Variants in KIFAP3 observed in about 807,000 individuals in gnomAD.
KIFAP3 encodes the protein kinesin associated protein 3, also known as kinesin-associated protein 3.
In KIFAP3, 68 loss-of-function variants were observed where a neutral mutation model predicts 106.5. The observed-to-expected ratio is 0.64, with a 90% CI of 0.53 to 0.78. KIFAP3 has a LOEUF of 0.78. KIFAP3 is among the 30% of genes least tolerant of loss of function. The pLI is 0.00. For missense variants in KIFAP3, 780 were observed against 941.8 expected, an observed-to-expected ratio of 0.83 and a Z score of 2.25; for synonymous variants, 320 against 311.5, an observed-to-expected ratio of 1.03 and a Z score of -0.29.
chr1:169,993,331 C>A (rs1358790865), intron 10 of KIFAP3, among the ~76,000 whole-genome samples: 2 of 150,986 alleles, frequency 1.3e-5, no homozygotes, highest in East Asian at 4.0e-4. Flanking sequence ...AGGCTGGTCT[C>A]GAACTCTTGA....
intron 3 of KIFAP3, among the ~76,000 whole-genome samples, chr1:170,045,594 G>T (rs546753695): frequency 6.6e-6 from 1 of 152,012 alleles, no homozygotes; most frequent in Non-Finnish European, 1.5e-5. Flanking sequence ...TAAAAATTTT[G>T]TTTCAAAAGA....
Position 169,982,117 on chromosome 1 carries a change from G to C in KIFAP3, c.1673-20C>G, listed in dbSNP as rs746263911. On this transcript the variant is annotated intron_variant, in intron 14 of 19. Coordinates refer to ENST00000361580, the MANE Select transcript of KIFAP3 (RefSeq NM_014970.4). ...CAGCACCTAGTGAAGTCAAACCATA[G>C]AAAGTTTTCACTGAAATGTCCTGAT... is the stretch of plus-strand genomic sequence containing the variant. 1.9e-6 allele frequency: 3 copies of C among 1,609,026 alleles called. No individual in the cohort carries two copies. The highest frequency in any genetic ancestry group is 2.5e-6 in the Non-Finnish European group (3 of 1,178,024).
intron 12 of KIFAP3, 70 bp downstream of exon 12, chr1:169,984,512 T>C (rs2273459): frequency 0.014 from 9,069 of 638,754 alleles, 264 homozygotes; most frequent in South Asian, 0.076. Context: ...TCTTAATTCC[T>C]TATATCTATT....
chr1:169,952,645 A>G (rs1050783829), intron 19 of KIFAP3, among the ~76,000 whole-genome samples: 1 of 152,124 alleles, frequency 6.6e-6, no homozygotes, highest in African/African-American at 2.4e-5. Flanking sequence ...CTTTGGTGAT[A>G]TATACACCTG....
At chr1:170,021,286 AT>A (rs1351219047) in intron 9 of KIFAP3, among the ~76,000 whole-genome samples, 1 of 152,010 alleles carries the variant, frequency 6.6e-6, no homozygotes, top group East Asian at 1.9e-4. Flanking sequence ...CCATCTCCTT[AT>A]TCCTTTTATA....
chr1:170,074,327 C>G, intron 1 of KIFAP3, 109 bp downstream of exon 1: 1 of 1,252,452 alleles, frequency 8.0e-7, no homozygotes, highest in Non-Finnish European at 1.1e-6. Flanking sequence ...TCCCTGCTTC[C>G]CATCCCGTCT....
chr1:170,040,522 A>G (rs529217085), intron 3 of KIFAP3, among the ~76,000 whole-genome samples: 105 of 152,294 alleles, frequency 6.9e-4, no homozygotes, highest in African/African-American at 2.4e-3. Context: ...AGTTTTTACT[A>G]GTTCAAAGAT....
chr1:169,941,594 C>T (rs114974092), intron 19 of KIFAP3, among the ~76,000 whole-genome samples: 170 of 152,032 alleles, frequency 1.1e-3, no homozygotes, highest in African/African-American at 4.0e-3. Flanking sequence ...AGCTGATTTC[C>T]TTTTTTGATT....
chr1:170,057,608 C>A (rs1167771072), intron 1 of KIFAP3, among the ~76,000 whole-genome samples: 2 of 143,462 alleles, frequency 1.4e-5, no homozygotes. Flanking sequence ...TTTTTTTTAA[C>A]AGAAGAGGCT....
chr1:169,979,868 C>A (rs941522137), intron 15 of KIFAP3, among the ~76,000 whole-genome samples: 5 of 152,068 alleles, frequency 3.3e-5, no homozygotes, highest in African/African-American at 1.2e-4. Context: ...CCCACAAAAA[C>A]CTAACTCTAC....
At chr1:169,944,711 G>A (rs899604445) in intron 19 of KIFAP3, among the ~76,000 whole-genome samples, 4 of 152,120 alleles carry the variant, frequency 2.6e-5, no homozygotes, top group African/African-American at 7.2e-5. Context: ...CTTTCTGCAG[G>A]CGGCCTGATG....
At chr1:170,041,920 G>C in intron 3 of KIFAP3, 1 of 1,270,540 alleles carries the variant, frequency 7.9e-7, no homozygotes, top group Non-Finnish European at 1.0e-6. Context: ...AAGTACTCCT[G>C]GGCGATTTCG....
chr1:170,027,853 C>T (rs7517307), intron 8 of KIFAP3, among the ~76,000 whole-genome samples: 2,876 of 151,830 alleles, frequency 0.019, 88 homozygotes, highest in African/African-American at 0.064. Flanking sequence ...CACCAAGGCC[C>T]GGTATAATAA....
At position 169,930,829 on chromosome 1, in the gene KIFAP3, A is replaced by G. The variant is rs1259736063; in HGVS notation, c.2274-9048T>C. On this transcript the variant is annotated intron_variant, in intron 19 of 19. Transcript: ENST00000361580. The stretch of plus-strand genomic sequence containing the variant: ...TCTGTTACATTTTTGTCCACCATTT[A>G]CATATTATCTGCATAGGAGTGGTCC... Among the ~76,000 whole-genome samples the G allele has an allele frequency of 2.0e-5, 3 of 152,016 alleles. No individual in the cohort carries two copies. The East Asian group carries it at 5.8e-4, about 29-fold the overall frequency.
At chr1:170,049,317 C>A (rs777491014) in intron 2 of KIFAP3, among the ~76,000 whole-genome samples, 1 of 152,122 alleles carries the variant, frequency 6.6e-6, no homozygotes, top group African/African-American at 2.4e-5. Context: ...AATGCAGCAG[C>A]CTTAGGGGCT....
intron 8 of KIFAP3, 92 bp downstream of exon 8, chr1:170,031,794 C>CATTA: frequency 1.3e-6 from 1 of 750,642 alleles, no homozygotes; most frequent in South Asian, 2.0e-5. Context: ...GCTATTCTCA[C>CATTA]ATTAGCTTTA....
chr1:169,937,461 CT>C (rs1283574862), intron 19 of KIFAP3, among the ~76,000 whole-genome samples: 1 of 151,640 alleles, frequency 6.6e-6, no homozygotes, highest in Non-Finnish European at 1.5e-5. Context: ...CATTTATTGA[CT>C]ACTAACAGAC....
At position 169,984,590 on chromosome 1, in the gene KIFAP3, A is replaced by G. The variant is rs1666712743; in HGVS notation, c.1385T>C (p.Ile462Thr). Reference protein sequence around the residue: ...LAANKRNVQLICEGNGLKMLM... With the variant: ...LAANKRNVQLTCEGNGLKMLM... ...CACTCAAAGGCACTGACCTTCACAG[A>G]TAAGCTGTACATTTCTTTTGTTAGC... The change falls in exon 12 of 20, where the codon ATC becomes ACC. Residue 462 changes from isoleucine (I) to threonine (T), a missense_variant. This residue lies in a region of KIFAP3 where 588 missense variants were observed against 678.9 expected (regional missense o/e 0.87). Transcript: ENST00000361580. 6.3e-7 allele frequency: 1 copy of G among 1,586,240 alleles called. No individual in the cohort carries two copies. The highest frequency in any genetic ancestry group is 8.6e-7 in the Non-Finnish European group (1 of 1,157,236).
intron 1 of KIFAP3, among the ~76,000 whole-genome samples, chr1:170,084,854 T>C (rs1046460244): frequency 6.6e-6 from 1 of 152,192 alleles, no homozygotes; most frequent in Non-Finnish European, 1.5e-5. Flanking sequence ...TGAAGAATTT[T>C]AATATAGGAA....
Sources: gnomAD v4.1 joint callset for allele counts (sites outside exome capture counted in the v4.1 genomes callset) on GRCh38, gnomAD v4.1.1 for gene constraint, gnomAD v4.1.1 regional missense constraint, MANE v1.5 for transcripts, NCBI Gene and HGNC (gene_info 2026-07-23, HGNC 2026-07-21) for gene names.